GRIN2A: variants seen among roughly 807,000 people sequenced by gnomAD.
GRIN2A encodes the protein glutamate receptor ionotropic, NMDA 2A.
Under a neutral mutation model 113.4 loss-of-function variants are expected in GRIN2A, and 22 were observed. That is an observed-to-expected ratio of 0.19 (90% CI 0.14 to 0.28). The LOEUF is 0.28. GRIN2A is among the 10% of genes least tolerant of loss of function. The pLI is 1.00. For missense variants in GRIN2A, 1,502 were observed against 1,887.0 expected (o/e 0.80, Z 3.78); for synonymous variants, 827 against 738.4 (o/e 1.12, Z -1.94).
At chr16:9,828,554 G>GA (rs2042429403) in intron 9 of GRIN2A, among the ~76,000 whole-genome samples, 1 of 152,192 alleles carries the variant, frequency 6.6e-6, no homozygotes, top group Non-Finnish European at 1.5e-5. Context: ...ACACAGAACA[G>GA]AAAATCTTTG....
intron 2 of GRIN2A, among the ~76,000 whole-genome samples, chr16:9,986,194 C>A (rs1301597424): frequency 6.6e-6 from 1 of 151,768 alleles, no homozygotes; most frequent in Non-Finnish European, 1.5e-5. Context: ...GTAGAAAATC[C>A]TACAACCAAG....
rs116473968 is a variant in GRIN2A at position 10,055,556 on chromosome 16, T to C, written c.415-117005A>G. ...AAGGATACTCTGAGCAGACAAAACATCTGGGAAGACCTTTGTCACATCTGA... is the reference window on the plus strand; with the variant it reads ...AAGGATACTCTGAGCAGACAAAACACCTGGGAAGACCTTTGTCACATCTGA... On this transcript the variant is annotated intron_variant, in intron 2 of 12. Coordinates refer to ENST00000330684, the MANE Select transcript of GRIN2A (RefSeq NM_001134407.3). 1.1e-3 allele frequency among the ~76,000 whole-genome samples: 163 copies of C among 152,334 alleles called. 1 individual carries two copies. The highest frequency in any genetic ancestry group is 3.8e-3 in the African/African-American group (159 of 41,576).
At chr16:9,967,577 C>T (rs145820361) in intron 2 of GRIN2A, among the ~76,000 whole-genome samples, 2 of 152,234 alleles carry the variant, frequency 1.3e-5, no homozygotes, top group East Asian at 1.9e-4. Context: ...TGCTGGCGTG[C>T]GCCTGTAGTC....
In GRIN2A at chr16:9,933,939, G is replaced by A. The variant is rs114204348; in HGVS notation, c.1007+4020C>T. Among the ~76,000 whole-genome samples, 411 of 152,300 alleles carry A rather than the reference G, an allele frequency of 2.7e-3. 2 individuals carry two copies. Among genetic ancestry groups the A allele is most frequent in the African/African-American group, 9.5e-3 (395 of 41,570 alleles). On this transcript the variant is annotated intron_variant, in intron 3 of 12. Transcript: ENST00000330684. ...AGACAGAAGTATGCATTGGGAATAC[G>A]GTTGCACATGTATGTGTATTGAAAG...
At chr16:9,774,914 C>A (rs904024140) in intron 11 of GRIN2A, among the ~76,000 whole-genome samples, 1 of 152,274 alleles carries the variant, frequency 6.6e-6, no homozygotes, top group Non-Finnish European at 1.5e-5. Context: ...ATTCCAAGAA[C>A]GCAAGTCCAG....
At chr16:9,788,447 G>T (rs1346951301) in intron 11 of GRIN2A, among the ~76,000 whole-genome samples, 1 of 151,680 alleles carries the variant, frequency 6.6e-6, no homozygotes, top group Non-Finnish European at 1.5e-5. Context: ...TAGTAGAAAT[G>T]GGGTTTTGCC....
chr16:10,116,994 T>G (rs892383207), intron 2 of GRIN2A, among the ~76,000 whole-genome samples: 8 of 149,936 alleles, frequency 5.3e-5, no homozygotes, highest in Non-Finnish European at 8.9e-5. Context: ...ACCCTCAGGG[T>G]GGGCCAAGAG....
chr16:9,802,717 C>T (rs1287143189), intron 10 of GRIN2A, among the ~76,000 whole-genome samples: 1 of 152,198 alleles, frequency 6.6e-6, no homozygotes, highest in Non-Finnish European at 1.5e-5. Context: ...TAGGACAACA[C>T]TGTCCAATAG....
At chr16:9,974,625 G>T (rs2045740060) in intron 2 of GRIN2A, among the ~76,000 whole-genome samples, 1 of 152,166 alleles carries the variant, frequency 6.6e-6, no homozygotes, top group African/African-American at 2.4e-5. Context: ...TGTCTGAGGA[G>T]TTTTGTCTGC....
chr16:10,038,449 G>C (rs2047075422), intron 2 of GRIN2A, among the ~76,000 whole-genome samples: 1 of 152,192 alleles, frequency 6.6e-6, no homozygotes, highest in East Asian at 1.9e-4. Context: ...GGAGGGGGCT[G>C]TCCTGCACAC....
chr16:10,064,456 G>A (rs778716013), intron 2 of GRIN2A, among the ~76,000 whole-genome samples: 6 of 152,110 alleles, frequency 3.9e-5, no homozygotes, highest in Non-Finnish European at 8.8e-5. Context: ...TTTATCAACG[G>A]GAAAAAGATG....
At chr16:9,811,814 C>T (rs1247368631) in intron 10 of GRIN2A, among the ~76,000 whole-genome samples, 1 of 152,078 alleles carries the variant, frequency 6.6e-6, no homozygotes, top group Non-Finnish European at 1.5e-5. Flanking sequence ...ATAGAACCTG[C>T]CAGGGAGTTC....
rs1192006822 is a variant in GRIN2A at position 9,834,211 on chromosome 16, G to A, written c.1671C>T (p.Val557=). ...GCAGCATCACAAACATCATCACCCA[G>A]ACAGAGGCGCTGAATGGTTCTGCAA... ...SAFLEPFSAS[V]WVMMFVMLLI... is the part of the protein sequence containing the mutation. The change falls in exon 8 of 13, where the codon GTC becomes GTT. Residue 557 remains valine, a synonymous_variant. Coordinates refer to ENST00000330684, the MANE Select transcript of GRIN2A (RefSeq NM_001134407.3). 6.2e-7 allele frequency: 1 copy of A among 1,613,824 alleles called. No homozygotes were observed. The highest frequency in any genetic ancestry group is 1.3e-5 in the African/African-American group (1 of 74,994).
At chr16:10,181,646 GC>G (rs974419169) in intron 1 of GRIN2A, 1 of 152,346 alleles carries the variant, frequency 6.6e-6, no homozygotes, top group African/African-American at 2.4e-5. Context: ...CGGGACGGAC[GC>G]TGCTGGAGCC....
At chr16:10,053,987 T>C (rs548359383) in intron 2 of GRIN2A, among the ~76,000 whole-genome samples, 9 of 152,142 alleles carry the variant, frequency 5.9e-5, no homozygotes, top group South Asian at 2.1e-4. Context: ...TGGTTTGTAA[T>C]GGCAAGGACC....
At chr16:10,062,127 T>G (rs964140497) in intron 2 of GRIN2A, among the ~76,000 whole-genome samples, 40 of 152,302 alleles carry the variant, frequency 2.6e-4, no homozygotes, top group African/African-American at 9.6e-4. Context: ...CGGTACTTGC[T>G]GACTTCTCCA....
intron 2 of GRIN2A, among the ~76,000 whole-genome samples, chr16:9,988,085 A>G (rs2046013424): frequency 6.6e-6 from 1 of 152,134 alleles, no homozygotes; most frequent in African/African-American, 2.4e-5. Flanking sequence ...CAAAGCCCAT[A>G]TGGCTTCCAC....
At chr16:10,135,462 T>C (rs2049172585) in intron 2 of GRIN2A, among the ~76,000 whole-genome samples, 1 of 152,226 alleles carries the variant, frequency 6.6e-6, no homozygotes, top group African/African-American at 2.4e-5. Context: ...CTAGTCTTTT[T>C]CTCTGATGTG....
Position 9,938,348 on chromosome 16 carries a change from C to T in GRIN2A, c.618G>A (p.Leu206=), listed in dbSNP as rs1364492349. 6.2e-7 allele frequency: 1 copy of T among 1,614,040 alleles called. No homozygotes were observed. Among genetic ancestry groups the T allele is most frequent in the South Asian group, 1.1e-5 (1 of 91,078 alleles). ...VGWDMQNVIT[L]DTSFEDAKTQ... is the part of the protein sequence containing the mutation. ...TCTTTGCATCCTCAAAGGAAGTGTC[C>T]AGTGTGATCACATTCTGCATGTCCC... Residue 206 remains leucine (L), a synonymous_variant, in exon 3 of 13, where the codon CTG becomes CTA. Transcript: ENST00000330684.
Sources: allele counts gnomAD v4.1 joint callset (sites outside exome capture counted in the v4.1 genomes callset), GRCh38; gene constraint gnomAD v4.1.1; transcripts MANE v1.5; gene names NCBI Gene and HGNC (gene_info 2026-07-23, HGNC 2026-07-21).